The following GATA6 variants were observed in gnomAD, a reference collection of about 807,000 sequenced individuals.
The protein encoded by GATA6 is transcription factor GATA-6.
A neutral mutation model predicts 48.1 loss-of-function variants in GATA6; 11 were observed. The observed-to-expected ratio is 0.23, with a 90% confidence interval of 0.14 to 0.38. GATA6 has a LOEUF of 0.38. Ranked by LOEUF, GATA6 falls within the 10% of genes least tolerant of loss-of-function variation. The pLI is 1.00. For missense variants in GATA6, 795 were observed against 850.3 expected, an observed-to-expected ratio of 0.93 and a Z score of 0.81; for synonymous variants, 419 against 396.1, an observed-to-expected ratio of 1.06 and a Z score of -0.69.
At chr18:22,183,161 T>C in intron 6 of GATA6, 118 bp downstream of exon 6, 1 of 807,406 alleles carries the variant, frequency 1.2e-6, no homozygotes, top group Admixed American at 2.0e-5. Flanking sequence ...TTTAGTTAGT[T>C]GATACCTAAG....
intron 6 of GATA6, among the ~76,000 whole-genome samples, chr18:22,187,438 C>T (rs972429169): frequency 6.6e-6 from 1 of 152,008 alleles, no homozygotes; most frequent in African/African-American, 2.4e-5. Context: ...TGAGATTGCA[C>T]CATTGCACCC....
At position 22,201,063 on chromosome 18, in the gene GATA6, C is replaced by T; in HGVS notation, c.*240C>T. 1.7e-6 allele frequency: 1 copy of T among 580,450 alleles called. No homozygotes were observed. The allele number at this position is 580,450 out of a possible 1,614,324, so 36.0% of individuals were successfully genotyped here. A position where few individuals can be genotyped will look rare whatever the true frequency, so the allele number is the denominator to read the frequency against. On this transcript the variant is annotated 3_prime_UTR_variant, in exon 7 of 7. Transcript: ENST00000269216. ...AGCCAGCCCGCCTCCGGGGCGGACC[C>T]TGCTCCACTTCCAGAAGCCAGGACT...
At position 22,177,944 on chromosome 18, in the gene GATA6, G is replaced by GTTTTTTTTTTTTTTTTT. The variant is rs979067151; in HGVS notation, c.1302+830_1302+831insTTTTTTTTTTTTTTTTT. On this transcript the variant is annotated intron_variant, in intron 3 of 6. Transcript: ENST00000269216. ...TTCCCCAATTCGCACACGTTTTACT[G>GTTTTTTTTTTTTTTTTT]TTTTTTTGTTTTTTTTTTTTTTTTT... 1.0e-3 allele frequency among the ~76,000 whole-genome samples: 80 copies of GTTTTTTTTTTTTTTTTT among 77,858 alleles called. 22 individuals carry two copies. The highest frequency in any genetic ancestry group is 4.7e-3 in the African/African-American group (74 of 15,880). 51.1% of individuals were successfully genotyped at this position (77,858 alleles called of 152,430 possible).
At chr18:22,176,115 A>T (rs967990765) in intron 2 of GATA6, among the ~76,000 whole-genome samples, 1 of 152,376 alleles carries the variant, frequency 6.6e-6, no homozygotes, top group African/African-American at 2.4e-5. Flanking sequence ...TAATAAAATT[A>T]TGTAAAATAA....
intron 6 of GATA6, among the ~76,000 whole-genome samples, chr18:22,200,176 A>AGAGT (rs1491251162): frequency 1.3e-5 from 2 of 150,366 alleles, no homozygotes; most frequent in Non-Finnish European, 3.0e-5. Flanking sequence ...GCCTTGTTAG[A>AGAGT]GTGTGTGTGT....
At chr18:22,189,965 G>A (rs116605526) in intron 6 of GATA6, among the ~76,000 whole-genome samples, 1,909 of 152,328 alleles carry the variant, frequency 0.013, 45 homozygotes, top group African/African-American at 0.044. Flanking sequence ...TTTCACGTTG[G>A]CCGCAGGTCT....
intron 6 of GATA6, among the ~76,000 whole-genome samples, chr18:22,195,361 A>AT (rs1006082627): frequency 6.6e-6 from 1 of 151,148 alleles, no homozygotes; most frequent in Admixed American, 6.6e-5. Flanking sequence ...GTTCCCTCCT[A>AT]TTTTTTCAAG....
At chr18:22,187,342 C>T (rs996988822) in intron 6 of GATA6, among the ~76,000 whole-genome samples, 6 of 152,018 alleles carry the variant, frequency 3.9e-5, no homozygotes, top group Non-Finnish European at 7.3e-5. Context: ...TAGCCAGGCA[C>T]GGTGGCGCAT....
Position 22,194,709 on chromosome 18 carries a change from GC to G in GATA6, c.1621-5939del, listed in dbSNP as rs199909091. ...TATTTTTCTCTGATTTCCCCCCTCC[GC>G]CCCCCCCTCCCAACACACACACATC... On this transcript the variant is annotated intron_variant, in intron 6 of 6. Transcript: ENST00000269216. Among the ~76,000 whole-genome samples the G allele has an allele frequency of 6.2e-3, 759 of 123,178 alleles. 8 individuals are homozygous for G. The highest frequency in any genetic ancestry group is 0.022 in the African/African-American group (708 of 32,330). 80.8% of individuals were successfully genotyped at this position (123,178 alleles called of 152,430 possible). A position where few individuals can be genotyped will look rare whatever the true frequency, so the allele number is the denominator to read the frequency against.
In GATA6 at chr18:22,171,370, C is replaced by G. The variant is rs1409790636; in HGVS notation, c.226C>G (p.Arg76Gly). 2.5e-6 allele frequency: 4 copies of G among 1,583,790 alleles called. No individual in the cohort carries two copies. Among genetic ancestry groups the G allele is most frequent in the South Asian group, 2.2e-5 (2 of 89,472 alleles). ...DTEAAAGPPA[R>G]SLLLSSYASH... ...GGAGGCGGCGGCCGGACCCCCGGCC[C>G]GCTCGCTGCTGCTCAGTTCCTACGC... Residue 76 changes from arginine to glycine, a missense_variant, in exon 2 of 7, where the codon CGC becomes GGC. Around this residue, in one of 5 missense-constraint regions of GATA6, gnomAD observed 591 missense variants for 570.0 expected, o/e 1.04. Transcript: ENST00000269216. The surrounding 1 kb of genome is among the most constrained non-coding windows in gnomAD (Gnocchi z 7.1).
chr18:22,178,415 G>C (rs1167493491), intron 3 of GATA6, among the ~76,000 whole-genome samples: 1 of 152,206 alleles, frequency 6.6e-6, no homozygotes, highest in African/African-American at 2.4e-5. Context: ...GTTAACATTT[G>C]TTTAGCGAAG....
chr18:22,196,355 G>T (rs1405059211), intron 6 of GATA6, among the ~76,000 whole-genome samples: 1 of 152,172 alleles, frequency 6.6e-6, no homozygotes, highest in African/African-American at 2.4e-5. Context: ...AAAAAGACAG[G>T]TTATTTTCGC....
rs762765948 is a variant in GATA6 at position 22,171,313 on chromosome 18, G to A, written c.169G>A (p.Ala57Thr). 1 of 1,588,414 alleles carries A rather than the reference G, an allele frequency of 6.3e-7. No homozygotes were observed. Among genetic ancestry groups the A allele is most frequent in the South Asian group, 1.1e-5 (1 of 90,090 alleles). Residue 57 changes from alanine (A) to threonine (T), a missense_variant, in exon 2 of 7, where the codon GCC becomes ACC. This residue lies in a region of GATA6 where 591 missense variants were observed against 570.0 expected (regional missense o/e 1.04). Transcript: ENST00000269216. This position sits in a 1 kb window ranked among gnomAD's most constrained non-coding sequence, Gnocchi z 7.1. ...SRGGERGPGG[A>T]SNCGTPQLDT... The stretch of plus-strand genomic sequence containing the variant: ...GGGCGGAGAGCGGGGCCCCGGCGGC[G>A]CCAGCAACTGCGGGACGCCTCAGCT...
chr18:22,199,900 C>CAA (rs35638046), intron 6 of GATA6, among the ~76,000 whole-genome samples: 896 of 68,210 alleles, frequency 0.013, 20 homozygotes, highest in African/African-American at 0.037. Flanking sequence ...GACTCTGTTT[C>CAA]AAAAAAAAAA....
rs1423614383 is a variant in GATA6, at chr18:22,171,232, C to A, written c.88C>A (p.Arg30=). 1.3e-6 allele frequency: 2 copies of A among 1,599,438 alleles called. No homozygotes were observed. Among genetic ancestry groups the A allele is most frequent in the Non-Finnish European group, 1.7e-6 (2 of 1,179,324 alleles). ...DASDSRAFPA[R]EPSTPPSPIS... is the part of the protein sequence containing the mutation. Reference sequence around the variant, plus strand: ...CAGCGACTCCAGAGCCTTTCCAGCGCGGGAGCCCTCCACGCCGCCTTCCCC... The same window carrying A: ...CAGCGACTCCAGAGCCTTTCCAGCGAGGGAGCCCTCCACGCCGCCTTCCCC... The change falls in exon 2 of 7, where the codon CGG becomes AGG. Residue 30 remains arginine, a synonymous_variant. Coordinates refer to ENST00000269216, the MANE Select transcript of GATA6 (RefSeq NM_005257.6). The surrounding 1 kb of genome is among the most constrained non-coding windows in gnomAD (Gnocchi z 7.1).
chr18:22,192,218 C>T (rs1198111514), intron 6 of GATA6, among the ~76,000 whole-genome samples: 20 of 152,152 alleles, frequency 1.3e-4, no homozygotes, highest in Admixed American at 1.2e-3. Flanking sequence ...TGTTTTCCTC[C>T]TTCTACTAAA....
chr18:22,170,882 C>T lies in GATA6; in HGVS notation c.-37-226C>T, dbSNP rs372062311. On this transcript the variant is annotated intron_variant, in intron 1 of 6. Transcript: ENST00000269216. The surrounding 1 kb of genome is among the most constrained non-coding windows in gnomAD (Gnocchi z 6.7). ...TGCCTTTGAGGGAGGGCTGGTATCC[C>T]AGCCCTTCCAGGGCCCTGTGGCGGC... The T allele has an allele frequency of 9.0e-5, 50 of 555,230 alleles. No individual in the cohort carries two copies. The East Asian group carries it at 9.4e-4, about 10-fold the overall frequency. 34.4% of individuals were successfully genotyped at this position (555,230 alleles called of 1,614,324 possible).
At chr18:22,197,908 T>A (rs768517441) in intron 6 of GATA6, among the ~76,000 whole-genome samples, 20 of 152,140 alleles carry the variant, frequency 1.3e-4, no homozygotes, top group Non-Finnish European at 2.2e-4. Context: ...ACTCATTTGT[T>A]GTTCATGATA....
chr18:22,198,741 A>G, intron 6 of GATA6, among the ~76,000 whole-genome samples: 1 of 152,240 alleles, frequency 6.6e-6, no homozygotes, highest in South Asian at 2.1e-4. Flanking sequence ...ATTAAGGGCT[A>G]AAGTTAATCA....
Sources: gnomAD v4.1 joint callset for allele counts (sites outside exome capture counted in the v4.1 genomes callset) on GRCh38, gnomAD v4.1.1 for gene constraint, gnomAD v4.1.1 regional missense constraint, Gnocchi (gnomAD v3.1) non-coding constraint, MANE v1.5 for transcripts, NCBI Gene and HGNC (gene_info 2026-07-23, HGNC 2026-07-21) for gene names.